NCOA1: variants seen among roughly 807,000 people sequenced by gnomAD.
NCOA1 encodes the protein nuclear receptor coactivator 1, also known as Hin-2 protein.
In NCOA1, 35 loss-of-function variants were observed where a neutral mutation model predicts 150.9. That is an observed-to-expected ratio of 0.23 (90% confidence interval 0.18 to 0.31). The LOEUF is 0.31. NCOA1 is among the 10% of genes least tolerant of loss of function. The pLI is 1.00. For synonymous variants in NCOA1, 590 were observed against 630.0 expected (o/e 0.94, Z 0.95); for missense variants, 1,491 against 1,749.3 (o/e 0.85, Z 2.63).
chr2:24,565,699 C>T (rs1028786283), intron 2 of NCOA1, among the ~76,000 whole-genome samples: 3 of 152,182 alleles, frequency 2.0e-5, no homozygotes, highest in African/African-American at 7.2e-5. Flanking sequence ...GGCCTGGATC[C>T]CATGCCTGCC....
Position 24,679,597 on chromosome 2 carries a change from AAAAT to A in NCOA1, c.355-3349_355-3346del, listed in dbSNP as rs1290057273. 3.9e-4 allele frequency among the ~76,000 whole-genome samples: 59 copies of A among 152,300 alleles called. 1 individual carries two copies. The highest frequency in any genetic ancestry group is 1.2e-3 in the African/African-American group (49 of 41,570). ...AAAGAAGTTTCAGGTCTATTTTTGA[AAAAT>A]AAATCTGTTTTTAAATTATTTCTAT... is the stretch of plus-strand genomic sequence containing the variant. On this transcript the variant is annotated intron_variant, in intron 7 of 22. Transcript: ENST00000348332.
intron 19 of NCOA1, among the ~76,000 whole-genome samples, chr2:24,744,913 G>T (rs1663814492): frequency 6.6e-6 from 1 of 152,194 alleles, no homozygotes; most frequent in Non-Finnish European, 1.5e-5. Context: ...GAAGCTTGCT[G>T]ATTTCTGTGT....
chr2:24,527,226 T>A (rs139763296), intron 1 of NCOA1, among the ~76,000 whole-genome samples: 9 of 152,278 alleles, frequency 5.9e-5, no homozygotes, highest in Admixed American at 1.3e-4. Context: ...AAATATACTA[T>A]TATTATAGTC....
intron 1 of NCOA1, among the ~76,000 whole-genome samples, chr2:24,537,340 G>A (rs1287154222): frequency 6.6e-6 from 1 of 151,824 alleles, no homozygotes; most frequent in Non-Finnish European, 1.5e-5. Context: ...GGATGGACCT[G>A]GAAGACATTA....
intron 1 of NCOA1, among the ~76,000 whole-genome samples, chr2:24,523,624 A>C: frequency 1.5e-5 from 2 of 131,610 alleles, no homozygotes; most frequent in Non-Finnish European, 3.3e-5. Context: ...AAAAAAAAAA[A>C]AAAAAAGAAA....
chr2:24,584,626 G>A (rs991485183), intron 3 of NCOA1, 66 bp downstream of exon 3: 1 of 152,190 alleles, frequency 6.6e-6, no homozygotes, highest in Admixed American at 6.5e-5. Context: ...TGGGCCTATA[G>A]TGTGTCAGGC....
At chr2:24,614,797 AAAT>A (rs1218012350) in intron 3 of NCOA1, among the ~76,000 whole-genome samples, 3 of 152,240 alleles carry the variant, frequency 2.0e-5, no homozygotes, top group African/African-American at 7.2e-5. Context: ...TTAGATAATT[AAAT>A]AATAACAGCT....
At chr2:24,592,379 G>C (rs940055253) in intron 3 of NCOA1, among the ~76,000 whole-genome samples, 1 of 151,960 alleles carries the variant, frequency 6.6e-6, no homozygotes, top group Non-Finnish European at 1.5e-5. Flanking sequence ...TAGCTTTGGG[G>C]GATCACTCTT....
chr2:24,679,552 C>G (rs534494759), intron 7 of NCOA1, among the ~76,000 whole-genome samples: 94 of 152,170 alleles, frequency 6.2e-4, no homozygotes, highest in Middle Eastern at 3.4e-3. Flanking sequence ...TGTATTTACA[C>G]TGATGCAAAG....
intron 15 of NCOA1, among the ~76,000 whole-genome samples, chr2:24,727,627 A>G (rs767866255): frequency 1.3e-5 from 2 of 152,206 alleles, no homozygotes; most frequent in African/African-American, 2.4e-5. Flanking sequence ...TCAAAGGAAG[A>G]ATGCTTATAA....
chr2:24,555,028 A>G (rs1011455024), intron 1 of NCOA1, among the ~76,000 whole-genome samples: 1 of 152,046 alleles, frequency 6.6e-6, no homozygotes, highest in Non-Finnish European at 1.5e-5. Flanking sequence ...GACACACACG[A>G]GGAGTTTAGG....
chr2:24,632,676 T>G (rs1419498490), intron 3 of NCOA1, among the ~76,000 whole-genome samples: 1 of 152,114 alleles, frequency 6.6e-6, no homozygotes, highest in Non-Finnish European at 1.5e-5. Flanking sequence ...TCCCACCAAC[T>G]CAAGGAGAAA....
chr2:24,559,687 C>T (rs1321324856), intron 1 of NCOA1, among the ~76,000 whole-genome samples: 1 of 152,078 alleles, frequency 6.6e-6, no homozygotes, highest in Non-Finnish European at 1.5e-5. Flanking sequence ...ACAGGAATAT[C>T]CTTCTTTTCC....
At chr2:24,700,931 G>A (rs1285496807) in intron 11 of NCOA1, among the ~76,000 whole-genome samples, 1 of 152,152 alleles carries the variant, frequency 6.6e-6, no homozygotes, top group African/African-American at 2.4e-5. Context: ...TGTTTTATGG[G>A]TAATCCCACT....
chr2:24,611,524 C>T (rs1284580922), intron 3 of NCOA1, among the ~76,000 whole-genome samples: 2 of 152,122 alleles, frequency 1.3e-5, no homozygotes, highest in Non-Finnish European at 2.9e-5. Flanking sequence ...ACCTCCATAC[C>T]GTTTCCCATA....
intron 1 of NCOA1, among the ~76,000 whole-genome samples, chr2:24,519,008 CA>C (rs1474918723): frequency 6.6e-6 from 1 of 152,116 alleles, no homozygotes; most frequent in African/African-American, 2.4e-5. Context: ...GGACCTAGAA[CA>C]GCCAAAACAA....
In NCOA1 at chr2:24,576,149, G is replaced by GTTTTTTTTTTTTTTTTTTTTTT. The variant is rs1183405187; in HGVS notation, c.-259-8314_-259-8313insTTTTTTTTTTTTTTTTTTTTTT. 5.6e-4 allele frequency among the ~76,000 whole-genome samples: 53 copies of GTTTTTTTTTTTTTTTTTTTTTT among 94,002 alleles called. 4 individuals carry two copies. The highest frequency in any genetic ancestry group is 1.1e-3 in the East Asian group (4 of 3,530). The allele number at this position is 94,002 out of a possible 152,430, so 61.7% of individuals were successfully genotyped here. ...GAGTTTCAGAAATTATTTGGCCTTT[G>GTTTTTTTTTTTTTTTTTTTTTT]TTTTTTTTTTTTTGTTTTTTGTTTT... On this transcript the variant is annotated intron_variant, in intron 2 of 22. Coordinates refer to ENST00000348332, the MANE Select transcript of NCOA1 (RefSeq NM_003743.5).
chr2:24,600,928 A>G (rs554157472), intron 3 of NCOA1, among the ~76,000 whole-genome samples: 14 of 152,300 alleles, frequency 9.2e-5, no homozygotes, highest in South Asian at 2.1e-4. Context: ...CGTTAAGTCA[A>G]ACTGATTTTC....
chr2:24,750,821 C>G (rs1023130754), intron 19 of NCOA1, among the ~76,000 whole-genome samples: 1 of 150,924 alleles, frequency 6.6e-6, no homozygotes, highest in Non-Finnish European at 1.5e-5. Flanking sequence ...GTGGTAATGG[C>G]GGCACAACTC....
Sources: allele counts gnomAD v4.1 joint callset (sites outside exome capture counted in the v4.1 genomes callset), GRCh38; gene constraint gnomAD v4.1.1; transcripts MANE v1.5; gene names NCBI Gene and HGNC (gene_info 2026-07-23, HGNC 2026-07-21).